VAT1L: variants seen among roughly 807,000 people sequenced by gnomAD.
VAT1L encodes putative NADPH-dependent quinone oxidoreductase VAT1L.
Under a neutral mutation model 44.1 loss-of-function variants are expected in VAT1L, and 34 were observed. That is an observed-to-expected ratio of 0.77 (90% CI 0.59 to 1.03). The LOEUF (loss-of-function observed/expected upper bound fraction) is 1.03. Ranked by LOEUF, VAT1L falls within the 50% of genes least tolerant of loss-of-function variation. The pLI is 0.00. For synonymous variants in VAT1L, 253 were observed against 202.2 expected (o/e 1.25, Z -2.13); for missense variants, 615 against 538.8 (o/e 1.14, Z -1.40).
chr16:77,874,186 T>C (rs141254404), intron 4 of VAT1L, among the ~76,000 whole-genome samples: 4 of 152,220 alleles, frequency 2.6e-5, no homozygotes, highest in African/African-American at 7.2e-5. Context: ...AGGCTGCTTC[T>C]GACCACAGGT....
chr16:77,900,334 T>C (rs1299065006), intron 7 of VAT1L, among the ~76,000 whole-genome samples: 2 of 152,166 alleles, frequency 1.3e-5, no homozygotes, highest in South Asian at 2.1e-4. Flanking sequence ...CCCAGCATAA[T>C]TTTTTCTATA....
chr16:77,795,823 T>G (rs1314990804), intron 1 of VAT1L, among the ~76,000 whole-genome samples: 1 of 139,628 alleles, frequency 7.2e-6, no homozygotes, highest in Non-Finnish European at 1.5e-5. Context: ...CTTTTTTTTT[T>G]TTTTTTTTTT....
chr16:77,871,055 G>A (rs1414842754), intron 4 of VAT1L, among the ~76,000 whole-genome samples: 1 of 152,164 alleles, frequency 6.6e-6, no homozygotes, highest in African/African-American at 2.4e-5. Flanking sequence ...CAACAGAGGT[G>A]GAGCACTTTT....
intron 4 of VAT1L, among the ~76,000 whole-genome samples, chr16:77,872,341 TC>T (rs773569698): frequency 3.3e-5 from 5 of 152,090 alleles, no homozygotes; most frequent in Non-Finnish European, 7.3e-5. Context: ...ATGGTTGGTG[TC>T]CCAAAGCCTT....
chr16:77,924,328 T>C (rs1288294845), intron 7 of VAT1L, among the ~76,000 whole-genome samples: 1 of 152,128 alleles, frequency 6.6e-6, no homozygotes, highest in African/African-American at 2.4e-5. Flanking sequence ...CTGGGTCCCA[T>C]AAGATGCCCC....
intron 7 of VAT1L, among the ~76,000 whole-genome samples, chr16:77,949,561 T>C (rs796326342): frequency 5.9e-5 from 9 of 152,294 alleles, no homozygotes; most frequent in African/African-American, 2.2e-4. Flanking sequence ...CCTGCAGGAA[T>C]GGAGAGTGAA....
At chr16:77,959,664 T>C (rs997632751) in intron 7 of VAT1L, among the ~76,000 whole-genome samples, 2 of 152,190 alleles carry the variant, frequency 1.3e-5, no homozygotes, top group African/African-American at 4.8e-5. Flanking sequence ...ATTTGTACCC[T>C]AATGACTTTG....
intron 7 of VAT1L, among the ~76,000 whole-genome samples, chr16:77,962,150 C>T (rs971629063): frequency 7.2e-5 from 11 of 152,132 alleles, no homozygotes; most frequent in African/African-American, 1.7e-4. Context: ...CTGCAGGGCC[C>T]TGGGCAAGAG....
chr16:77,793,198 A>G (rs537126428), intron 1 of VAT1L, among the ~76,000 whole-genome samples: 1 of 152,236 alleles, frequency 6.6e-6, no homozygotes, highest in Admixed American at 6.5e-5. Flanking sequence ...TGCCACCTTG[A>G]TCTCCCTGGC....
intron 1 of VAT1L, among the ~76,000 whole-genome samples, chr16:77,815,793 C>T (rs958624314): frequency 6.6e-6 from 1 of 151,030 alleles, no homozygotes; most frequent in Non-Finnish European, 1.5e-5. Flanking sequence ...CATGGCGAAA[C>T]CCCATGTCTA....
At chr16:77,960,852 G>C (rs1007756039) in intron 7 of VAT1L, among the ~76,000 whole-genome samples, 1 of 151,930 alleles carries the variant, frequency 6.6e-6, no homozygotes, top group Non-Finnish European at 1.5e-5. Context: ...GCCGAGAAAT[G>C]ACCGTGACTA....
chr16:77,864,857 G>A (rs1014505925), intron 4 of VAT1L, among the ~76,000 whole-genome samples: 7 of 151,978 alleles, frequency 4.6e-5, no homozygotes, highest in South Asian at 2.1e-4. Context: ...AAAGCTTAAA[G>A]CTAGATGTTA....
intron 7 of VAT1L, among the ~76,000 whole-genome samples, chr16:77,911,385 G>A (rs2017498338): frequency 6.6e-6 from 1 of 152,126 alleles, no homozygotes; most frequent in Non-Finnish European, 1.5e-5. Flanking sequence ...GTGGCATAGT[G>A]TCCTGTGGGG....
In VAT1L at chr16:77,879,289, TTTTGTTTG is replaced by T; in HGVS notation, c.882+77_882+84del. Reference sequence around the variant, plus strand: ...TTGATTCACATGTTGAGAGCTTTGTTTTTGTTTGTTTGTTTGTTTTGAGACAGCGTCTC... The same window carrying T: ...TTGATTCACATGTTGAGAGCTTTGTTTTTGTTTGTTTTGAGACAGCGTCTC... On this transcript the variant is annotated intron_variant, in intron 6 of 8. Coordinates refer to ENST00000302536, the MANE Select transcript of VAT1L (RefSeq NM_020927.3). This position sits in a 1 kb window ranked among gnomAD's most constrained non-coding sequence, Gnocchi z 4.1. The T allele has an allele frequency of 6.5e-7, 1 of 1,537,490 alleles. No individual in the cohort carries two copies. The highest frequency in any genetic ancestry group is 9.0e-7 in the Non-Finnish European group (1 of 1,113,534).
chr16:77,880,841 A>G (rs1388523227), intron 6 of VAT1L, among the ~76,000 whole-genome samples: 7 of 152,042 alleles, frequency 4.6e-5, no homozygotes, highest in Non-Finnish European at 1.0e-4. Context: ...AGGAGAGAAC[A>G]TGCAGTATTT....
chr16:77,889,003 C>T (rs1482590063), intron 7 of VAT1L, among the ~76,000 whole-genome samples: 1 of 152,182 alleles, frequency 6.6e-6, no homozygotes, highest in East Asian at 1.9e-4. Flanking sequence ...GAGCTGCAGT[C>T]GGACCAAACG....
intron 7 of VAT1L, among the ~76,000 whole-genome samples, chr16:77,927,088 C>T (rs1279829266): frequency 1.3e-5 from 2 of 152,048 alleles, no homozygotes; most frequent in African/African-American, 4.8e-5. Flanking sequence ...CCTGTAATCC[C>T]AGCATTTTGG....
chr16:77,957,119 T>C (rs1428059260), intron 7 of VAT1L, among the ~76,000 whole-genome samples: 1 of 152,218 alleles, frequency 6.6e-6, no homozygotes, highest in East Asian at 1.9e-4. Context: ...TCCCAAATGC[T>C]ATTAGGTCTG....
chr16:77,892,544 G>A lies in VAT1L; in HGVS notation c.1077+7742G>A, dbSNP rs575905411. ...AGAAAAATTTCGTGCTCTAAGCCCT[G>A]GAGAGGAAGGATTTGGTTATAAGGG... is the stretch of plus-strand genomic sequence containing the variant. On this transcript the variant is annotated intron_variant, in intron 7 of 8. Transcript: ENST00000302536. The A allele has an allele frequency of 4.9e-5, 29 of 587,534 alleles. No homozygotes were observed. The East Asian group carries it at 1.3e-3, about 25-fold the overall frequency. 36.4% of individuals were successfully genotyped at this position (587,534 alleles called of 1,614,324 possible).
Sources: gnomAD v4.1 joint callset for allele counts (sites outside exome capture counted in the v4.1 genomes callset) on GRCh38, gnomAD v4.1.1 for gene constraint, Gnocchi (gnomAD v3.1) non-coding constraint, MANE v1.5 for transcripts, NCBI Gene and HGNC (gene_info 2026-07-23, HGNC 2026-07-21) for gene names.